The following ZNF569 variants were observed in gnomAD, a reference collection of about 807,000 sequenced individuals.
The protein encoded by ZNF569 is DNA-binding protein.
Under a neutral mutation model 56.3 loss-of-function variants are expected in ZNF569, and 38 were observed. The ratio of observed to expected loss-of-function variants is 0.68; its 90% CI spans 0.52 to 0.88. The LOEUF (loss-of-function observed/expected upper bound fraction) is 0.88, where lower values mean the gene tolerates loss of function less well. Ranked by LOEUF, ZNF569 falls within the 40% of genes least tolerant of loss-of-function variation. The pLI is 0.00. For missense variants in ZNF569, 666 were observed against 809.2 expected, an observed-to-expected ratio of 0.82 and a Z score of 2.15; for synonymous variants, 241 against 262.9, an observed-to-expected ratio of 0.92 and a Z score of 0.81.
At position 37,438,586 on chromosome 19, in the gene ZNF569, T is replaced by TAC. The variant is rs569989707; in HGVS notation, c.15+6319_15+6320dup. 3.3e-5 allele frequency among the ~76,000 whole-genome samples: 5 copies of TAC among 152,250 alleles called. No individual in the cohort carries two copies. In the South Asian group the frequency reaches 1.0e-3, roughly 32 times the overall value. On this transcript the variant is annotated intron_variant, in intron 3 of 5. Coordinates refer to ENST00000316950, the MANE Select transcript of ZNF569 (RefSeq NM_152484.3). ...GAAACCAGACCCCTATCTCTTGCCA[T>TAC]ACACAAAAATCAAATCAAAATGGAT...
intron 1 of ZNF569, among the ~76,000 whole-genome samples, chr19:37,466,075 C>T (rs2041828423): frequency 6.6e-6 from 1 of 152,086 alleles, no homozygotes; most frequent in South Asian, 2.1e-4. Context: ...TGAATGTATA[C>T]GTATGTATAC....
chr19:37,441,220 T>C (rs2041399548), intron 3 of ZNF569, among the ~76,000 whole-genome samples: 1 of 152,130 alleles, frequency 6.6e-6, no homozygotes, highest in Admixed American at 6.6e-5. Flanking sequence ...CTCCCCACAC[T>C]CTAAGGCATG....
At chr19:37,456,513 C>T (rs1284178368) in intron 2 of ZNF569, among the ~76,000 whole-genome samples, 1 of 152,098 alleles carries the variant, frequency 6.6e-6, no homozygotes, top group Non-Finnish European at 1.5e-5. Flanking sequence ...GTTAGTTAAA[C>T]ATTAAGTCAC....
intron 3 of ZNF569, among the ~76,000 whole-genome samples, chr19:37,436,061 A>G (rs963621605): frequency 2.6e-5 from 4 of 152,204 alleles, no homozygotes; most frequent in African/African-American, 9.6e-5. Context: ...TCCTCAGCAC[A>G]TAGATCACTC....
At chr19:37,466,019 A>G (rs2041826694) in intron 1 of ZNF569, among the ~76,000 whole-genome samples, 1 of 152,242 alleles carries the variant, frequency 6.6e-6, no homozygotes, top group Non-Finnish European at 1.5e-5. Flanking sequence ...CTGTATGTAT[A>G]GTGTTACTGC....
Position 37,413,392 on chromosome 19 carries a change from C to A in ZNF569, c.1266G>T (p.Lys422Asn). Reference protein sequence around the residue: ...CKECRKAFSHKKNFITHQKIH... With the variant: ...CKECRKAFSHNKNFITHQKIH... ...TTTTCTGGTGTGTAATGAAGTTTTT[C>A]TTGTGGCTGAAGGCTTTTCTGCATT... Residue 422 changes from lysine to asparagine, a missense_variant, in exon 6 of 6, where the codon AAG (lysine) becomes AAT (asparagine). Physicochemically the swap from Lys to Asn is moderately conservative, Grantham distance 94 (BLOSUM62 0). Coordinates refer to ENST00000316950, the MANE Select transcript of ZNF569 (RefSeq NM_152484.3). 1 of 1,611,096 alleles carries A rather than the reference C, an allele frequency of 6.2e-7. No homozygotes were observed. The highest frequency in any genetic ancestry group is 1.1e-5 in the South Asian group (1 of 90,484).
At chr19:37,437,972 C>T (rs1161254752) in intron 3 of ZNF569, among the ~76,000 whole-genome samples, 5 of 120,728 alleles carry the variant, frequency 4.1e-5, no homozygotes, top group Non-Finnish European at 8.3e-5. Flanking sequence ...GGAAAAAATG[C>T]TAAAATTTAT....
At chr19:37,465,992 A>G (rs1443282313) in intron 1 of ZNF569, among the ~76,000 whole-genome samples, 1 of 152,264 alleles carries the variant, frequency 6.6e-6, no homozygotes, top group East Asian at 1.9e-4. Context: ...GTTAAACAAG[A>G]AAGGTTGGTT....
At position 37,426,631 on chromosome 19, in the gene ZNF569, A is replaced by C. The variant is rs1177566291; in HGVS notation, c.16-253T>G. Among the ~76,000 whole-genome samples the C allele has an allele frequency of 5.9e-5, 9 of 152,198 alleles. No homozygotes were observed. The East Asian group carries it at 1.7e-3, about 29-fold the overall frequency. On this transcript the variant is annotated intron_variant, in intron 3 of 5. Transcript: ENST00000316950. ...AAACATAAAAATAAAACTTTAACCAAGTTAAGTGGTTTGAGATCTCACAAG... is the reference window on the plus strand; with the variant it reads ...AAACATAAAAATAAAACTTTAACCACGTTAAGTGGTTTGAGATCTCACAAG...
rs560847193 is a variant in ZNF569, at chr19:37,451,981, T to G, written c.-43-7017A>C. On this transcript the variant is annotated intron_variant, in intron 2 of 5. Coordinates refer to ENST00000316950, the MANE Select transcript of ZNF569 (RefSeq NM_152484.3). ...TTGCTATTTTGTTAGTTGCTTTATG[T>G]TAGTCTTCTTCCTTCATCTCTTCTC... Among the ~76,000 whole-genome samples, 289 of 152,344 alleles carry G rather than the reference T, an allele frequency of 1.9e-3. 1 individual carries two copies. The highest frequency in any genetic ancestry group is 6.7e-3 in the African/African-American group (280 of 41,594).
At chr19:37,450,254 T>G (rs1015505137) in intron 2 of ZNF569, among the ~76,000 whole-genome samples, 16 of 152,336 alleles carry the variant, frequency 1.1e-4, no homozygotes, top group African/African-American at 3.8e-4. Context: ...TTTGGTAGAA[T>G]TCACCAGTGG....
chr19:37,469,251 G>T (rs987155518), upstream of ZNF569: 1 of 1,387,258 alleles, frequency 7.2e-7, no homozygotes, highest in East Asian at 2.7e-5. Flanking sequence ...GCCAGACACT[G>T]CGACGCCGCG....
At chr19:37,445,932 A>C (rs942836704) in intron 2 of ZNF569, among the ~76,000 whole-genome samples, 2 of 144,504 alleles carry the variant, frequency 1.4e-5, no homozygotes, top group African/African-American at 5.3e-5. Context: ...TTCTACACAG[A>C]ACTAGAAAAA....
At chr19:37,462,977 A>G (rs913074101) in intron 2 of ZNF569, among the ~76,000 whole-genome samples, 3 of 152,170 alleles carry the variant, frequency 2.0e-5, no homozygotes, top group African/African-American at 7.2e-5. Flanking sequence ...CACATACTAT[A>G]TTCCAAACTG....
At chr19:37,436,503 A>T (rs2041311265) in intron 3 of ZNF569, among the ~76,000 whole-genome samples, 1 of 151,988 alleles carries the variant, frequency 6.6e-6, no homozygotes, top group Non-Finnish European at 1.5e-5. Flanking sequence ...GAAATAAATG[A>T]AATGAAGAAA....
Position 37,426,323 on chromosome 19 carries a change from C to G in ZNF569, c.71G>C (p.Arg24Thr), listed in dbSNP as rs747490733. Residue 24 changes from arginine to threonine, a missense_variant, in exon 4 of 6, where the codon AGA becomes ACA. Physicochemically the swap from Arg to Thr is moderately conservative, Grantham distance 71. Coordinates refer to ENST00000316950, the MANE Select transcript of ZNF569 (RefSeq NM_152484.3). ...CAGTTTTCTCTGAGCAGGATCCAAT[C>G]TCTTCCACTCCTCCTGAGTGAAGTC... The part of the protein sequence containing the change: ...AIDFTQEEWK[R>T]LDPAQRKLYR... The G allele has an allele frequency of 1.2e-6, 2 of 1,613,610 alleles. No homozygotes were observed. Among genetic ancestry groups the G allele is most frequent in the Non-Finnish European group, 1.7e-6 (2 of 1,179,854 alleles).
intron 1 of ZNF569, among the ~76,000 whole-genome samples, chr19:37,466,246 T>C (rs1355716592): frequency 6.6e-6 from 1 of 152,162 alleles, no homozygotes; most frequent in Non-Finnish European, 1.5e-5. Flanking sequence ...ATGAGTTTAG[T>C]AAGTACACAA....
At chr19:37,446,124 T>G (rs1014006980) in intron 2 of ZNF569, among the ~76,000 whole-genome samples, 1 of 152,132 alleles carries the variant, frequency 6.6e-6, no homozygotes, top group Non-Finnish European at 1.5e-5. Context: ...TGGAACAGAA[T>G]AGAAAACCTA....
chr19:37,462,810 G>A (rs778682406), intron 2 of ZNF569, among the ~76,000 whole-genome samples: 1 of 151,876 alleles, frequency 6.6e-6, no homozygotes, highest in Non-Finnish European at 1.5e-5. Flanking sequence ...ATTCAGTCTC[G>A]TGTTAAATAC....
Sources: allele counts gnomAD v4.1 joint callset (sites outside exome capture counted in the v4.1 genomes callset), GRCh38; gene constraint gnomAD v4.1.1; transcripts MANE v1.5; gene names NCBI Gene and HGNC (gene_info 2026-07-23, HGNC 2026-07-21).